The following PPA2 variants were observed in gnomAD, a reference collection of about 807,000 sequenced individuals.
PPA2 encodes the protein inorganic pyrophosphatase 2, also known as inorganic pyrophosphatase 2, mitochondrial.
In PPA2, 48 loss-of-function variants were observed where a neutral mutation model predicts 49.5. The observed-to-expected ratio is 0.97, with a 90% CI of 0.77 to 1.23. PPA2 has a LOEUF of 1.23. Among genes scored for constraint, PPA2 ranks in the 50% most tolerant of loss-of-function variants. The pLI is 0.00. For synonymous variants in PPA2, 131 were observed against 139.9 expected (o/e 0.94, Z 0.45); for missense variants, 429 against 410.1 (o/e 1.05, Z -0.40).
chr4:105,460,739 CT>C (rs1453287835), intron 1 of PPA2, among the ~76,000 whole-genome samples: 1 of 152,054 alleles, frequency 6.6e-6, no homozygotes, highest in South Asian at 2.1e-4. Flanking sequence ...AAAAGCCAGG[CT>C]GCCTTTGTAA....
intron 3 of PPA2, among the ~76,000 whole-genome samples, chr4:105,452,327 G>C (rs1722707193): frequency 6.6e-6 from 1 of 152,168 alleles, no homozygotes; most frequent in East Asian, 1.9e-4. Context: ...AACTGTTTCA[G>C]GTTAATACAC....
At chr4:105,370,772 G>T in intron 11 of PPA2, 65 bp downstream of exon 11, 2 of 1,298,516 alleles carry the variant, frequency 1.5e-6, no homozygotes, top group Non-Finnish European at 2.0e-6. Context: ...TTAGTTTTTG[G>T]CTTCCACTAC....
chr4:105,375,305 G>A (rs1733204073), intron 10 of PPA2, among the ~76,000 whole-genome samples: 2 of 151,774 alleles, frequency 1.3e-5, no homozygotes, highest in Admixed American at 1.3e-4. Flanking sequence ...AGAAAGAAGA[G>A]GGAGAAATAA....
chr4:105,381,549 T>C (rs1369431872), intron 10 of PPA2, among the ~76,000 whole-genome samples: 1 of 152,090 alleles, frequency 6.6e-6, no homozygotes, highest in Non-Finnish European at 1.5e-5. Flanking sequence ...TGATTAAGTA[T>C]TGTTTTACAA....
intron 1 of PPA2, among the ~76,000 whole-genome samples, chr4:105,462,207 T>A (rs1723120969): frequency 6.6e-6 from 1 of 151,482 alleles, no homozygotes. Flanking sequence ...TAGCACTAGG[T>A]TAAAAAAAAA....
intron 7 of PPA2, among the ~76,000 whole-genome samples, chr4:105,416,018 C>T (rs1282145254): frequency 4.1e-4 from 62 of 152,082 alleles, no homozygotes; most frequent in Admixed American, 4.1e-3. Flanking sequence ...AAATTGTTAC[C>T]AATTATTCTA....
intron 6 of PPA2, among the ~76,000 whole-genome samples, chr4:105,427,187 A>G (rs1206222937): frequency 6.6e-6 from 1 of 152,180 alleles, no homozygotes; most frequent in Non-Finnish European, 1.5e-5. Flanking sequence ...CCAAAACCCC[A>G]TCCATAGGTC....
intron 9 of PPA2, among the ~76,000 whole-genome samples, chr4:105,388,781 C>G (rs6855177): frequency 1.0e-4 from 15 of 147,410 alleles, no homozygotes; most frequent in Non-Finnish European, 2.2e-4. Flanking sequence ...GCCGAGATGG[C>G]GCCACTGCAC....
intron 2 of PPA2, among the ~76,000 whole-genome samples, chr4:105,454,216 C>T (rs562572269): frequency 6.6e-6 from 1 of 152,272 alleles, no homozygotes; most frequent in South Asian, 2.1e-4. Flanking sequence ...GTTTATACAC[C>T]AAAATGACTA....
At chr4:105,377,915 C>T (rs1190858534) in intron 10 of PPA2, among the ~76,000 whole-genome samples, 2 of 151,930 alleles carry the variant, frequency 1.3e-5, no homozygotes, top group Admixed American at 1.3e-4. Context: ...AAATATACTA[C>T]AAGTTGTTTA....
At chr4:105,472,418 CATAA>C (rs1479742402) in intron 1 of PPA2, among the ~76,000 whole-genome samples, 3 of 152,322 alleles carry the variant, frequency 2.0e-5, no homozygotes, top group South Asian at 2.1e-4. Flanking sequence ...TAGCACACTT[CATAA>C]ATATTTATTA....
intron 7 of PPA2, among the ~76,000 whole-genome samples, chr4:105,421,461 C>T (rs1436069390): frequency 1.3e-5 from 2 of 151,912 alleles, no homozygotes; most frequent in Non-Finnish European, 1.5e-5. Flanking sequence ...TTTTAAAATG[C>T]CATCTAAAAT....
At chr4:105,431,069 G>T (rs1406800977) in intron 6 of PPA2, among the ~76,000 whole-genome samples, 1 of 152,154 alleles carries the variant, frequency 6.6e-6, no homozygotes, top group East Asian at 1.9e-4. Context: ...ATCAGTCCTT[G>T]CCTGAGGACA....
intron 9 of PPA2, among the ~76,000 whole-genome samples, chr4:105,394,020 A>G (rs927645719): frequency 3.9e-5 from 6 of 152,172 alleles, no homozygotes; most frequent in African/African-American, 1.4e-4. Context: ...AACTAAAAAA[A>G]GTTATTTTGT....
chr4:105,461,244 T>C (rs1175614889), intron 1 of PPA2, among the ~76,000 whole-genome samples: 2 of 152,218 alleles, frequency 1.3e-5, no homozygotes, highest in Non-Finnish European at 1.5e-5. Context: ...GCATGCTCAG[T>C]TGAGCTTCAT....
chr4:105,384,968 A>G (rs1202783412), intron 10 of PPA2, among the ~76,000 whole-genome samples: 2 of 152,060 alleles, frequency 1.3e-5, no homozygotes, highest in Non-Finnish European at 2.9e-5. Context: ...TTTCTCCCCC[A>G]TACTTTCTCT....
chr4:105,469,186 A>G (rs1723425889), intron 1 of PPA2, among the ~76,000 whole-genome samples: 1 of 152,140 alleles, frequency 6.6e-6, no homozygotes, highest in African/African-American at 2.4e-5. Context: ...TCACTGTGTC[A>G]TTTTTGCCAT....
intron 7 of PPA2, chr4:105,405,215 T>C (rs561212202): frequency 4.0e-6 from 3 of 744,502 alleles, no homozygotes; most frequent in East Asian, 2.6e-4. Context: ...TCAATGTAGG[T>C]AGGCATAGTT....
chr4:105,431,057 A>C (rs1330146081), intron 6 of PPA2, among the ~76,000 whole-genome samples: 1 of 152,212 alleles, frequency 6.6e-6, no homozygotes, highest in Non-Finnish European at 1.5e-5. Flanking sequence ...CTAAGAAAGC[A>C]GATCAGTCCT....
Sources: gnomAD v4.1 joint callset for allele counts (sites outside exome capture counted in the v4.1 genomes callset) on GRCh38, gnomAD v4.1.1 for gene constraint, MANE v1.5 for transcripts, NCBI Gene and HGNC (gene_info 2026-07-23, HGNC 2026-07-21) for gene names.